CNTN5: variants seen among roughly 807,000 people sequenced by gnomAD.
CNTN5 encodes contactin-5.
In CNTN5, 77 loss-of-function variants were observed where a neutral mutation model predicts 129.1. The ratio of observed to expected loss-of-function variants is 0.60; its 90% CI spans 0.50 to 0.72. CNTN5 has a LOEUF of 0.72. Among genes scored for constraint, CNTN5 ranks in the 30% least tolerant of loss-of-function variants. CNTN5 has a pLI of 0.00. For missense variants in CNTN5, 1,478 were observed against 1,328.8 expected, an observed-to-expected ratio of 1.11 and a Z score of -1.75; for synonymous variants, 509 against 465.6, an observed-to-expected ratio of 1.09 and a Z score of -1.20.
chr11:100,281,996 ATTTTT>A (rs34162956), intron 18 of CNTN5, among the ~76,000 whole-genome samples: 1 of 123,162 alleles, frequency 8.1e-6, no homozygotes, highest in African/African-American at 2.9e-5. Context: ...TTGGCATTCT[ATTTTT>A]TTTTTTTTTT....
At chr11:99,824,396 G>GT in intron 4 of CNTN5, among the ~76,000 whole-genome samples, 1 of 151,886 alleles carries the variant, frequency 6.6e-6, no homozygotes, top group African/African-American at 2.4e-5. Context: ...GGACATTCTG[G>GT]TTTTTTCTAA....
intron 13 of CNTN5, among the ~76,000 whole-genome samples, chr11:100,126,747 A>C (rs1199633498): frequency 6.6e-6 from 1 of 151,964 alleles, no homozygotes; most frequent in East Asian, 1.9e-4. Context: ...TGCCATTGTA[A>C]GTCTTTTAAG....
At chr11:99,852,327 A>G (rs1474722831) in intron 6 of CNTN5, among the ~76,000 whole-genome samples, 1 of 152,196 alleles carries the variant, frequency 6.6e-6, no homozygotes. Flanking sequence ...AAAATCAAAA[A>G]TACATAATTT....
chr11:99,950,398 G>C (rs928802193), intron 7 of CNTN5, among the ~76,000 whole-genome samples: 2 of 152,290 alleles, frequency 1.3e-5, no homozygotes, highest in South Asian at 2.1e-4. Context: ...GGAGAATGGC[G>C]TGAACCTGGT....
intron 15 of CNTN5, among the ~76,000 whole-genome samples, chr11:100,211,970 T>A (rs1381218800): frequency 1.3e-5 from 2 of 152,110 alleles, no homozygotes; most frequent in African/African-American, 2.4e-5. Flanking sequence ...ATATCATGGA[T>A]GTTTAAAATG....
chr11:99,066,403 A>C (rs113746105), intron 1 of CNTN5, among the ~76,000 whole-genome samples: 4,061 of 152,182 alleles, frequency 0.027, 148 homozygotes, highest in African/African-American at 0.077. Flanking sequence ...CACGCCCAGC[A>C]AGCTAATATT....
At chr11:99,928,382 C>T (rs1320954741) in intron 7 of CNTN5, among the ~76,000 whole-genome samples, 1 of 152,212 alleles carries the variant, frequency 6.6e-6, no homozygotes, top group Admixed American at 6.5e-5. Context: ...CATTTGCCTT[C>T]CACACTGCCT....
At chr11:99,562,243 T>C (rs1319382473) in intron 3 of CNTN5, among the ~76,000 whole-genome samples, 1 of 152,182 alleles carries the variant, frequency 6.6e-6, no homozygotes, top group Non-Finnish European at 1.5e-5. Context: ...GAGCCTTCCT[T>C]GCACTTTTTT....
At chr11:100,020,340 A>C (rs568162206) in intron 9 of CNTN5, among the ~76,000 whole-genome samples, 2 of 151,974 alleles carry the variant, frequency 1.3e-5, no homozygotes, top group Admixed American at 1.3e-4. Context: ...TATTTTATTC[A>C]CCTGCAAGTG....
chr11:99,516,917 G>C (rs1229059831), intron 2 of CNTN5, among the ~76,000 whole-genome samples: 3 of 152,066 alleles, frequency 2.0e-5, no homozygotes, highest in African/African-American at 4.8e-5. Flanking sequence ...GAAATAATTA[G>C]CAGTTTAAAC....
At chr11:99,402,144 T>C (rs967099728) in intron 2 of CNTN5, among the ~76,000 whole-genome samples, 2 of 152,178 alleles carry the variant, frequency 1.3e-5, no homozygotes, top group African/African-American at 4.8e-5. Context: ...GTTGTCATGT[T>C]CCAGATCTTA....
At chr11:100,283,900 C>G (rs1197772003) in intron 18 of CNTN5, among the ~76,000 whole-genome samples, 2 of 152,000 alleles carry the variant, frequency 1.3e-5, no homozygotes, top group African/African-American at 2.4e-5. Flanking sequence ...GAGCCAAGAT[C>G]GGGCCATTGC....
chr11:99,040,985 A>T (rs1188985713), intron 1 of CNTN5, among the ~76,000 whole-genome samples: 1 of 152,138 alleles, frequency 6.6e-6, no homozygotes, highest in Admixed American at 6.5e-5. Flanking sequence ...ACTTAGGAGG[A>T]ACTAAACCAA....
At chr11:99,077,971 T>C (rs1865644085) in intron 1 of CNTN5, among the ~76,000 whole-genome samples, 1 of 152,172 alleles carries the variant, frequency 6.6e-6, no homozygotes, top group Admixed American at 6.6e-5. Context: ...TACAGCAAGA[T>C]TACCCTTAAG....
At position 99,709,464 on chromosome 11, in the gene CNTN5, C is replaced by T. The variant is rs60715935; in HGVS notation, c.56-110080C>T. On this transcript the variant is annotated intron_variant, in intron 3 of 24. Coordinates refer to ENST00000524871, the MANE Select transcript of CNTN5 (RefSeq NM_014361.4). ...AGAGAGTGAAATTGTTTAAGAATTA[C>T]ATAAATACCCCATGTGTGCACATGC... 7.9e-3 allele frequency among the ~76,000 whole-genome samples: 1,195 copies of T among 151,738 alleles called. 15 individuals carry two copies. Among genetic ancestry groups the T allele is most frequent in the African/African-American group, 0.024 (982 of 41,440 alleles).
At chr11:99,615,856 C>G (rs1950744454) in intron 3 of CNTN5, among the ~76,000 whole-genome samples, 1 of 151,800 alleles carries the variant, frequency 6.6e-6, no homozygotes, top group African/African-American at 2.4e-5. Context: ...CCACATCTTG[C>G]ACTCAAGCGA....
At chr11:99,384,671 C>G (rs1263531275) in intron 2 of CNTN5, among the ~76,000 whole-genome samples, 1 of 152,174 alleles carries the variant, frequency 6.6e-6, no homozygotes, top group Non-Finnish European at 1.5e-5. Context: ...TTTTATTGAA[C>G]TATTCTAATT....
intron 2 of CNTN5, among the ~76,000 whole-genome samples, chr11:99,499,988 A>C (rs1946368286): frequency 6.6e-6 from 1 of 152,200 alleles, no homozygotes; most frequent in African/African-American, 2.4e-5. Context: ...ACTTTGAAAA[A>C]GAATGGCAAA....
At chr11:99,132,898 A>G (rs1014269160) in intron 1 of CNTN5, among the ~76,000 whole-genome samples, 5 of 152,134 alleles carry the variant, frequency 3.3e-5, no homozygotes, top group African/African-American at 1.2e-4. Flanking sequence ...GTATTAGAAA[A>G]AAACTATTTA....
Sources: allele counts gnomAD v4.1 joint callset (sites outside exome capture counted in the v4.1 genomes callset), GRCh38; gene constraint gnomAD v4.1.1; transcripts MANE v1.5; gene names NCBI Gene and HGNC (gene_info 2026-07-23, HGNC 2026-07-21).